Variants in TAFA5 observed in about 807,000 individuals in gnomAD.
TAFA5 encodes the protein TAFA chemokine like family member 5, also known as chemokine-like protein TAFA-5.
TAFA5 carries 6 observed loss-of-function variants against 15.3 expected under a neutral mutation model. That is an observed-to-expected ratio of 0.39 (90% CI 0.21 to 0.77). The LOEUF is 0.77. Ranked by LOEUF, TAFA5 falls within the 30% of genes least tolerant of loss-of-function variation. The pLI, the probability that TAFA5 is intolerant of heterozygous loss-of-function variation, is 0.41. For synonymous variants in TAFA5, 103 were observed against 80.7 expected (o/e 1.28, Z -1.48); for missense variants, 161 against 193.1 (o/e 0.83, Z 0.98).
chr22:48,632,281 C>G (rs1025127829), intron 1 of TAFA5, among the ~76,000 whole-genome samples: 1 of 152,160 alleles, frequency 6.6e-6, no homozygotes, highest in Non-Finnish European at 1.5e-5. Flanking sequence ...TGATCCAGTC[C>G]AGAGATGGAC....
At chr22:48,672,163 C>G (rs1260848021) in intron 2 of TAFA5, among the ~76,000 whole-genome samples, 1 of 152,182 alleles carries the variant, frequency 6.6e-6, no homozygotes, top group South Asian at 2.1e-4. Context: ...TGTCAACAGC[C>G]TTTGTTCTTG....
intron 1 of TAFA5, chr22:48,576,332 G>C: frequency 3.3e-6 from 4 of 1,208,802 alleles, no homozygotes; most frequent in Non-Finnish European, 4.1e-6. Context: ...TCCCGGAGTG[G>C]CGCCTCCAGT....
chr22:48,673,912 A>G (rs11204497), intron 2 of TAFA5, among the ~76,000 whole-genome samples: 56,916 of 151,694 alleles, frequency 0.38, 12,484 homozygotes, highest in African/African-American at 0.62. Context: ...TGTAGATACT[A>G]GGGGTGGGAG....
At chr22:48,575,154 T>G (rs1923719373) in intron 1 of TAFA5, among the ~76,000 whole-genome samples, 1 of 152,002 alleles carries the variant, frequency 6.6e-6, no homozygotes, top group African/African-American at 2.4e-5. Flanking sequence ...CCTGGGGCCT[T>G]GGGTGCGAGG....
chr22:48,650,767 C>T (rs1927025432), intron 2 of TAFA5, among the ~76,000 whole-genome samples: 1 of 152,080 alleles, frequency 6.6e-6, no homozygotes, highest in African/African-American at 2.4e-5. Context: ...CACTGTGGCG[C>T]TTTCCATCCT....
chr22:48,648,941 C>T (rs1387426372), intron 2 of TAFA5, among the ~76,000 whole-genome samples: 1 of 152,232 alleles, frequency 6.6e-6, no homozygotes, highest in Non-Finnish European at 1.5e-5. Flanking sequence ...TCAGCAGAGT[C>T]AGGGCATGGT....
chr22:48,534,660 C>T (rs762966985), intron 1 of TAFA5, among the ~76,000 whole-genome samples: 1 of 152,190 alleles, frequency 6.6e-6, no homozygotes, highest in South Asian at 2.1e-4. Context: ...GCTGGGGCCG[C>T]CCTGCGGGGG....
At chr22:48,628,822 C>G (rs547531012) in intron 1 of TAFA5, among the ~76,000 whole-genome samples, 1 of 152,220 alleles carries the variant, frequency 6.6e-6, no homozygotes, top group African/African-American at 2.4e-5. Flanking sequence ...TCAGACACAT[C>G]GGCGTGTTTG....
rs549200391 is a variant in TAFA5 at position 48,590,380 on chromosome 22, G to T, written c.113-56217G>T. Among the ~76,000 whole-genome samples, 3 of 152,358 alleles carry T rather than the reference G, an allele frequency of 2.0e-5. No homozygotes were observed. In the East Asian group the frequency reaches 5.8e-4, roughly 29 times the overall value. ...ACGGGCATTTGTTATTTTAATAGCT[G>T]TGTATCAGCTTTTATGGCTACCTTC... On this transcript the variant is annotated intron_variant, in intron 1 of 3. Transcript: ENST00000402357.
intron 1 of TAFA5, among the ~76,000 whole-genome samples, chr22:48,568,846 T>C (rs1027670793): frequency 2.6e-5 from 4 of 152,162 alleles, no homozygotes; most frequent in Non-Finnish European, 5.9e-5. Flanking sequence ...CTCCTTCCAC[T>C]GTCCAGCAGT....
chr22:48,635,582 C>T (rs1281691785), intron 1 of TAFA5, among the ~76,000 whole-genome samples: 4 of 152,218 alleles, frequency 2.6e-5, no homozygotes, highest in Non-Finnish European at 5.9e-5. Flanking sequence ...CCCTCCATCC[C>T]AGCTAAGGGG....
intron 1 of TAFA5, among the ~76,000 whole-genome samples, chr22:48,520,673 G>A (rs908516550): frequency 2.0e-5 from 3 of 152,130 alleles, no homozygotes; most frequent in South Asian, 2.1e-4. Flanking sequence ...GGGCAGAGCC[G>A]GGGGTGGCCT....
rs182780468 is a variant in TAFA5, at chr22:48,573,537, A to G, written c.113-73060A>G. Among the ~76,000 whole-genome samples the G allele has an allele frequency of 3.4e-3, 507 of 151,270 alleles. 1 individual carries two copies. The highest frequency in any genetic ancestry group is 0.012 in the African/African-American group (488 of 41,182). On this transcript the variant is annotated intron_variant, in intron 1 of 3. Transcript: ENST00000402357. The stretch of plus-strand genomic sequence containing the variant: ...CTGCACTGTTAACTCACTCTTCGGA[A>G]GCCCTACACGAGGTTCTTGAGTTTG...
At position 48,554,004 on chromosome 22, in the gene TAFA5, A is replaced by G. The variant is rs918323579; in HGVS notation, c.112+64300A>G. On this transcript the variant is annotated intron_variant, in intron 1 of 3. Coordinates refer to ENST00000402357, the MANE Select transcript of TAFA5 (RefSeq NM_001082967.3). Reference sequence around the variant, plus strand: ...TACGGAAATTCCCCCAAAGCGACAAATGAGGTACAAACCACAGGCTTCCTT... The same window carrying G: ...TACGGAAATTCCCCCAAAGCGACAAGTGAGGTACAAACCACAGGCTTCCTT... 1.2e-4 allele frequency among the ~76,000 whole-genome samples: 18 copies of G among 152,230 alleles called. 1 individual carries two copies. The highest frequency in any genetic ancestry group is 2.9e-5 in the Non-Finnish European group (2 of 68,038).
intron 1 of TAFA5, among the ~76,000 whole-genome samples, chr22:48,542,158 G>A (rs1222199093): frequency 6.9e-6 from 1 of 144,394 alleles, no homozygotes; most frequent in Admixed American, 7.0e-5. Flanking sequence ...TGGGTGTGGG[G>A]GGTGTGTGTG....
At chr22:48,625,496 C>T (rs1391053536) in intron 1 of TAFA5, among the ~76,000 whole-genome samples, 1 of 152,214 alleles carries the variant, frequency 6.6e-6, no homozygotes, top group East Asian at 1.9e-4. Flanking sequence ...TGAGTCTGTC[C>T]TACGGGAAGC....
At chr22:48,604,055 G>A (rs1176524491) in intron 1 of TAFA5, among the ~76,000 whole-genome samples, 3 of 152,238 alleles carry the variant, frequency 2.0e-5, no homozygotes, top group Non-Finnish European at 2.9e-5. Flanking sequence ...ACTGGACTGT[G>A]TGTGTCTCAT....
At chr22:48,717,208 G>A (rs1929427453) in intron 3 of TAFA5, among the ~76,000 whole-genome samples, 2 of 152,170 alleles carry the variant, frequency 1.3e-5, no homozygotes, top group South Asian at 4.1e-4. Flanking sequence ...CAGCGTCGTC[G>A]GGTTCTCAGC....
chr22:48,562,389 C>T lies in TAFA5; in HGVS notation c.112+72685C>T, dbSNP rs576034266. The stretch of plus-strand genomic sequence containing the variant: ...TCCTGACCTCGCGATCTGCCTGCCT[C>T]GGCCTCCCAAAGTGCTGGGATTACA... On this transcript the variant is annotated intron_variant, in intron 1 of 3. Transcript: ENST00000402357. Among the ~76,000 whole-genome samples, 19 of 152,308 alleles carry T rather than the reference C, an allele frequency of 1.2e-4. No individual in the cohort carries two copies. In the East Asian group the frequency reaches 3.1e-3, roughly 25 times the overall value.
Sources: gnomAD v4.1 joint callset for allele counts (sites outside exome capture counted in the v4.1 genomes callset) on GRCh38, gnomAD v4.1.1 for gene constraint, MANE v1.5 for transcripts, NCBI Gene and HGNC (gene_info 2026-07-23, HGNC 2026-07-21) for gene names.